Variants in NDUFAF6 observed in about 807,000 individuals in gnomAD.
NDUFAF6 encodes NADH dehydrogenase (ubiquinone) complex I, assembly factor 6.
Under a neutral mutation model 40.8 loss-of-function variants are expected in NDUFAF6, and 45 were observed. The ratio of observed to expected loss-of-function variants is 1.10; its 90% confidence interval spans 0.87 to 1.42. The LOEUF (loss-of-function observed/expected upper bound fraction) is 1.42. Ranked by LOEUF, NDUFAF6 falls within the 40% of genes most tolerant of loss-of-function variation. NDUFAF6 has a pLI of 0.00. For synonymous variants in NDUFAF6, 185 were observed against 155.9 expected, an observed-to-expected ratio of 1.19 and a Z score of -1.39; for missense variants, 435 against 418.5, an observed-to-expected ratio of 1.04 and a Z score of -0.34.
rs1310920290 is a variant in NDUFAF6 at position 95,045,542 on chromosome 8, T to C, written c.478-3T>C. On this transcript the variant is annotated splice_polypyrimidine_tract_variant and splice_region_variant and intron_variant, in intron 4 of 8. Coordinates refer to ENST00000396124, the MANE Select transcript of NDUFAF6 (RefSeq NM_152416.4). ...GACTTTATTTGCATTTTATTTGATG[T>C]AGGAAAAAAATCTGGATGACAAAGC... is the stretch of plus-strand genomic sequence containing the variant. 1 of 1,608,724 alleles carries C rather than the reference T, an allele frequency of 6.2e-7. No homozygotes were observed. Among genetic ancestry groups the C allele is most frequent in the Admixed American group, 1.7e-5 (1 of 59,998 alleles).
intron 1 of NDUFAF6, among the ~76,000 whole-genome samples, chr8:95,031,525 G>C (rs1348082091): frequency 6.6e-6 from 1 of 152,166 alleles, no homozygotes; most frequent in Non-Finnish European, 1.5e-5. Context: ...TGGCATTGGG[G>C]TACATTTTTC....
chr8:95,002,641 T>G (rs1826788570), intron 2 of NDUFAF6, among the ~76,000 whole-genome samples: 1 of 152,260 alleles, frequency 6.6e-6, no homozygotes, highest in Non-Finnish European at 1.5e-5. Flanking sequence ...TGGATCTAGA[T>G]GACTGTTAAG....
At chr8:94,900,136 C>T (rs1206127494) in intron 1 of NDUFAF6, among the ~76,000 whole-genome samples, 1 of 152,120 alleles carries the variant, frequency 6.6e-6, no homozygotes, top group African/African-American at 2.4e-5. Context: ...TTGCCTCTAC[C>T]CCTGCTTGTC....
In NDUFAF6 at chr8:95,058,001, T is replaced by G. The variant is rs1465133718; in HGVS notation, c.*64T>G. On this transcript the variant is annotated 3_prime_UTR_variant, in exon 9 of 9. Coordinates refer to ENST00000396124, the MANE Select transcript of NDUFAF6 (RefSeq NM_152416.4). ...GTTTTATAAAAGTTAGGATTCTTATTTAGGAACAACAGGAAATGACTGTTA... is the reference window on the plus strand; with the variant it reads ...GTTTTATAAAAGTTAGGATTCTTATGTAGGAACAACAGGAAATGACTGTTA... 6 of 1,528,330 alleles carry G rather than the reference T, an allele frequency of 3.9e-6. No individual in the cohort carries two copies. The African/African-American group carries it at 8.3e-5, about 21-fold the overall frequency. 94.7% of individuals were successfully genotyped at this position (1,528,330 alleles called of 1,614,324 possible). A position where few individuals can be genotyped will look rare whatever the true frequency, so the allele number is the denominator to read the frequency against.
At chr8:95,101,923 A>T (rs1296142101) in intron 2 of NDUFAF6, among the ~76,000 whole-genome samples, 1 of 152,224 alleles carries the variant, frequency 6.6e-6, no homozygotes, top group Non-Finnish European at 1.5e-5. Flanking sequence ...CATCTGTGTC[A>T]TTCACAGTTC....
At chr8:94,930,385 G>T in intron 1 of NDUFAF6, 1 of 1,501,012 alleles carries the variant, frequency 6.7e-7, no homozygotes, top group South Asian at 1.3e-5. Flanking sequence ...GTTATCAATT[G>T]GTTGTAAAGA....
chr8:94,932,729 G>A (rs1293660959), intron 1 of NDUFAF6, among the ~76,000 whole-genome samples: 2 of 152,222 alleles, frequency 1.3e-5, no homozygotes, highest in Non-Finnish European at 2.9e-5. Flanking sequence ...CATGAACCCA[G>A]GAGGCGGAGC....
chr8:95,065,094 C>CT (rs1832670372), intron 9 of NDUFAF6, among the ~76,000 whole-genome samples: 1 of 152,162 alleles, frequency 6.6e-6, no homozygotes, highest in Non-Finnish European at 1.5e-5. Context: ...CATCTGTATC[C>CT]TTTATAATTA....
At chr8:95,027,414 AC>A (rs1033315678) in intron 1 of NDUFAF6, among the ~76,000 whole-genome samples, 26 of 151,948 alleles carry the variant, frequency 1.7e-4, no homozygotes, top group African/African-American at 5.8e-4. Context: ...CCCCTTCTCT[AC>A]AAAAAATAAA....
chr8:95,054,736 C>G (rs549217840), intron 8 of NDUFAF6, among the ~76,000 whole-genome samples: 177 of 152,308 alleles, frequency 1.2e-3, no homozygotes, highest in African/African-American at 4.0e-3. Flanking sequence ...TGCCCAGCCC[C>G]AGCTCTCAGT....
At chr8:95,117,508 A>G (rs1453478072), downstream of NDUFAF6, among the ~76,000 whole-genome samples, 1 of 152,166 alleles carries the variant, frequency 6.6e-6, no homozygotes, top group Non-Finnish European at 1.5e-5. Flanking sequence ...GAGTAGATGA[A>G]TGCCTGTTAT....
intron 3 of NDUFAF6, among the ~76,000 whole-genome samples, chr8:95,039,183 G>A (rs1165983025): frequency 6.6e-6 from 1 of 151,036 alleles, no homozygotes; most frequent in Non-Finnish European, 1.5e-5. Flanking sequence ...GGCCAGGCAC[G>A]TTGGCTCACA....
intron 1 of NDUFAF6, among the ~76,000 whole-genome samples, chr8:94,942,291 C>T (rs993843645): frequency 2.0e-5 from 3 of 152,028 alleles, no homozygotes; most frequent in Non-Finnish European, 4.4e-5. Context: ...CCGCCCACCT[C>T]AGCCTCCCAA....
In NDUFAF6 at chr8:94,984,786, G is replaced by A. The variant is rs72679220; in HGVS notation, c.-84+3813G>A. On this transcript the variant is annotated intron_variant, in intron 2 of 9. Transcript: ENST00000396111. The stretch of plus-strand genomic sequence containing the variant: ...GTACACGGATGGGAGAGAAGAAGGT[G>A]TAGAGTGAGTTTGGGGGTGTGGTTA... Among the ~76,000 whole-genome samples the A allele has an allele frequency of 3.9e-3, 599 of 152,344 alleles. 4 individuals are homozygous for A. The highest frequency in any genetic ancestry group is 6.8e-3 in the Middle Eastern group (2 of 294).
At chr8:95,043,941 ATGTT>A (rs976036557) in intron 4 of NDUFAF6, among the ~76,000 whole-genome samples, 1 of 152,236 alleles carries the variant, frequency 6.6e-6, no homozygotes, top group Non-Finnish European at 1.5e-5. Flanking sequence ...TTGTATATGA[ATGTT>A]TGTAGCAACA....
chr8:94,997,367 CAG>C (rs1224899729), intron 2 of NDUFAF6, among the ~76,000 whole-genome samples: 3 of 98,372 alleles, frequency 3.0e-5, no homozygotes, highest in African/African-American at 1.2e-4. Context: ...GAGAGAGAGA[CAG>C]AGAGAATGTA....
downstream of NDUFAF6, among the ~76,000 whole-genome samples, chr8:95,117,694 G>A (rs1293238811): frequency 1.3e-5 from 2 of 152,172 alleles, no homozygotes; most frequent in Non-Finnish European, 2.9e-5. Flanking sequence ...GTATGACTAG[G>A]CTGTGGACAA....
intron 1 of NDUFAF6, chr8:94,932,233 C>CAT: frequency 1.1e-6 from 1 of 944,810 alleles, no homozygotes; most frequent in South Asian, 1.5e-5. Context: ...AAGGCACGTA[C>CAT]ATGTGCTTAA....
intron 1 of NDUFAF6, among the ~76,000 whole-genome samples, chr8:95,029,335 A>G (rs1231571354): frequency 1.3e-5 from 2 of 149,836 alleles, no homozygotes; most frequent in Non-Finnish European, 3.0e-5. Context: ...CAGAAATAGT[A>G]CACAGAGAGC....
Sources: allele counts gnomAD v4.1 joint callset (sites outside exome capture counted in the v4.1 genomes callset), GRCh38; gene constraint gnomAD v4.1.1; transcripts MANE v1.5; gene names NCBI Gene and HGNC (gene_info 2026-07-23, HGNC 2026-07-21).